Variants in STK10 observed in about 807,000 individuals in gnomAD.
STK10 encodes the protein serine/threonine kinase 10, also known as serine/threonine-protein kinase 10.
In STK10, 78 loss-of-function variants were observed where a neutral mutation model predicts 113.8. That is an observed-to-expected ratio of 0.69 (90% CI 0.57 to 0.83). STK10 has a LOEUF of 0.83. STK10 is among the 40% of genes least tolerant of loss of function. The probability of loss-of-function intolerance (pLI) is 0.00; values close to 1 mark genes in which losing one functional copy is unlikely to be tolerated. For synonymous variants in STK10, 465 were observed against 494.7 expected (o/e 0.94, Z 0.80); for missense variants, 1,109 against 1,280.1 (o/e 0.87, Z 2.04).
chr5:172,113,123 A>G (rs972076670), intron 4 of STK10, among the ~76,000 whole-genome samples: 1 of 152,236 alleles, frequency 6.6e-6, no homozygotes, highest in South Asian at 2.1e-4. Context: ...CATATGTAGC[A>G]AAGTTTTTTG....
At position 172,105,657 on chromosome 5, in the gene STK10, T is replaced by C. The variant is rs1367106912; in HGVS notation, c.869A>G (p.Glu290Gly). ...AGAGTGGGAGGGGAATCCACTCACC[T>C]CCAGCAGCTGCGCGGCACTGGGTCG... ...ETRPSAAQLL[E>G]HPFVSSITSN... is the part of the protein sequence containing the mutation. Residue 290 changes from glutamate (E) to glycine (G), a missense_variant and splice_region_variant, in exon 7 of 19, where the codon GAG becomes GGG. By Grantham distance (98) the Glu-to-Gly change is moderately conservative. Around this residue, in one of 5 missense-constraint regions of STK10, gnomAD observed 885 missense variants for 991.1 expected, o/e 0.89. Coordinates refer to ENST00000176763, the MANE Select transcript of STK10 (RefSeq NM_005990.4). 6.2e-7 allele frequency: 1 copy of C among 1,613,674 alleles called. No homozygotes were observed. Among genetic ancestry groups the C allele is most frequent in the Non-Finnish European group, 8.5e-7 (1 of 1,179,980 alleles).
intron 12 of STK10, among the ~76,000 whole-genome samples, chr5:172,080,102 T>C (rs928137684): frequency 2.0e-5 from 3 of 152,154 alleles, no homozygotes; most frequent in African/African-American, 7.2e-5. Flanking sequence ...ATTTTTTCAT[T>C]ATTATTATCT....
At position 172,120,185 on chromosome 5, in the gene STK10, G is replaced by A. The variant is rs1418778367; in HGVS notation, c.371-2555C>T. On this transcript the variant is annotated intron_variant, in intron 3 of 18. Coordinates refer to ENST00000176763, the MANE Select transcript of STK10 (RefSeq NM_005990.4). This position sits in a 1 kb window ranked among gnomAD's most constrained non-coding sequence, Gnocchi z 4.0. ...GGAGCCACCTCCCTTGGCCTGCCAG[G>A]TTCCCAGGCTGTCGGCTTCTAAGCC... Among the ~76,000 whole-genome samples the A allele has an allele frequency of 6.6e-6, 1 of 152,128 alleles. No homozygotes were observed. The highest frequency in any genetic ancestry group is 1.5e-5 in the Non-Finnish European group (1 of 68,010).
intron 2 of STK10, among the ~76,000 whole-genome samples, chr5:172,132,021 G>C (rs1246363563): frequency 6.6e-6 from 1 of 152,218 alleles, no homozygotes; most frequent in African/African-American, 2.4e-5. Flanking sequence ...GCCCTCGCCA[G>C]ATGCAGGGCC....
In STK10 at chr5:172,163,075, G is replaced by A. The variant is rs1018630047; in HGVS notation, c.157-6287C>T. Among the ~76,000 whole-genome samples, 7 of 152,282 alleles carry A rather than the reference G, an allele frequency of 4.6e-5. No individual in the cohort carries two copies. The East Asian group carries it at 7.7e-4, about 17-fold the overall frequency. On this transcript the variant is annotated intron_variant, in intron 1 of 18. Coordinates refer to ENST00000176763, the MANE Select transcript of STK10 (RefSeq NM_005990.4). Reference sequence around the variant, plus strand: ...CAAAATTAAATTCTTTCAAAGCCTCGTTGAGGCAGCAATCCATCACCTTGA... The same window carrying A: ...CAAAATTAAATTCTTTCAAAGCCTCATTGAGGCAGCAATCCATCACCTTGA...
intron 4 of STK10, chr5:172,114,558 C>T (rs1398985835): frequency 7.5e-6 from 1 of 133,626 alleles, no homozygotes; most frequent in South Asian, 2.5e-4. Flanking sequence ...TCTCGGCTCA[C>T]TGCAAGCTCC....
chr5:172,168,832 C>G (rs1009439695), intron 1 of STK10, among the ~76,000 whole-genome samples: 3 of 152,186 alleles, frequency 2.0e-5, no homozygotes, highest in Non-Finnish European at 4.4e-5. Context: ...TCCCGCCCAG[C>G]TGCTCAGTGT....
intron 2 of STK10, among the ~76,000 whole-genome samples, chr5:172,144,855 AC>A (rs1326335972): frequency 1.3e-5 from 2 of 151,808 alleles, no homozygotes; most frequent in African/African-American, 2.4e-5. Context: ...GATACCCCCC[AC>A]CCCCTTTTAC....
At chr5:172,052,907 C>T (rs1259185833) in intron 18 of STK10, 22 bp downstream of exon 18, 2 of 1,611,442 alleles carry the variant, frequency 1.2e-6, no homozygotes, top group South Asian at 1.1e-5. Context: ...GAGACTGAGC[C>T]CACCAGCTCG....
intron 1 of STK10, among the ~76,000 whole-genome samples, chr5:172,164,706 C>T (rs1645585625): frequency 6.6e-6 from 1 of 152,116 alleles, no homozygotes; most frequent in South Asian, 2.1e-4. Context: ...TGATGAGAGC[C>T]GTCTTAGGGA....
chr5:172,141,771 T>A (rs1006317792), intron 2 of STK10, among the ~76,000 whole-genome samples: 1 of 152,002 alleles, frequency 6.6e-6, no homozygotes, highest in Non-Finnish European at 1.5e-5. Context: ...TCAGAGGGTG[T>A]CTGATGGGGG....
intron 17 of STK10, 58 bp downstream of exon 17, chr5:172,054,511 T>C (rs1389450208): frequency 6.3e-7 from 1 of 1,583,330 alleles, no homozygotes; most frequent in Non-Finnish European, 8.5e-7. Context: ...TGAGATCTGA[T>C]GGCCTTGGGG....
chr5:172,168,801 A>G (rs534727274), intron 1 of STK10, among the ~76,000 whole-genome samples: 6 of 152,156 alleles, frequency 3.9e-5, no homozygotes, highest in East Asian at 3.9e-4. Flanking sequence ...GCAGCCCACC[A>G]AAGTTGTCAT....
At chr5:172,055,829 C>G in intron 15 of STK10, 53 bp from the exon 16 acceptor site, 1 of 1,373,200 alleles carries the variant, frequency 7.3e-7, no homozygotes, top group Non-Finnish European at 9.5e-7. Flanking sequence ...GGACTCAGAG[C>G]GTGGTCACAG....
chr5:172,077,136 T>C (rs1057405263), intron 12 of STK10, among the ~76,000 whole-genome samples: 13 of 152,354 alleles, frequency 8.5e-5, no homozygotes, highest in African/African-American at 3.1e-4. Context: ...TGCATGCTGC[T>C]GGATGTCAGA....
chr5:172,102,143 C>A (rs2113758311), intron 7 of STK10, among the ~76,000 whole-genome samples: 1 of 152,196 alleles, frequency 6.6e-6, no homozygotes, highest in South Asian at 2.1e-4. Flanking sequence ...GGCAGGGGAC[C>A]AGCGAGGAGG....
chr5:172,156,125 C>T (rs1230968939), intron 2 of STK10, among the ~76,000 whole-genome samples: 2 of 152,126 alleles, frequency 1.3e-5, no homozygotes, highest in Admixed American at 6.5e-5. Context: ...GTGCAGCCAT[C>T]GAGAAGGATC....
intron 6 of STK10, among the ~76,000 whole-genome samples, 181 bp downstream of exon 6, chr5:172,106,439 G>A (rs370102514): frequency 1.1e-4 from 11 of 98,614 alleles, no homozygotes; most frequent in Non-Finnish European, 2.0e-4. Context: ...GGGAAAAAGA[G>A]GCACGAAGGG....
chr5:172,135,291 T>G (rs542139165), intron 2 of STK10, among the ~76,000 whole-genome samples: 5 of 152,112 alleles, frequency 3.3e-5, no homozygotes, highest in African/African-American at 9.6e-5. Context: ...GGTGGGTGGA[T>G]CACCTGAGGT....
Sources: allele counts gnomAD v4.1 joint callset (sites outside exome capture counted in the v4.1 genomes callset), GRCh38; gene constraint gnomAD v4.1.1; regional missense constraint gnomAD v4.1.1; non-coding constraint Gnocchi (gnomAD v3.1); transcripts MANE v1.5; gene names NCBI Gene and HGNC (gene_info 2026-07-23, HGNC 2026-07-21).